LARGE1: variants seen among roughly 807,000 people sequenced by gnomAD.
The protein encoded by LARGE1 is LARGE xylosyl- and glucuronyltransferase 1.
LARGE1 carries 43 observed loss-of-function variants against 87.6 expected under a neutral mutation model. The ratio of observed to expected loss-of-function variants is 0.49; its 90% CI spans 0.38 to 0.63. The LOEUF is 0.63. Ranked by LOEUF, LARGE1 falls within the 30% of genes least tolerant of loss-of-function variation. The pLI, the probability that LARGE1 is intolerant of heterozygous loss-of-function variation, is 0.00. For synonymous variants in LARGE1, 434 were observed against 394.6 expected, an observed-to-expected ratio of 1.10 and a Z score of -1.18; for missense variants, 802 against 1,000.2, an observed-to-expected ratio of 0.80 and a Z score of 2.67.
chr22:33,440,620 G>A (rs1176718216), intron 6 of LARGE1, among the ~76,000 whole-genome samples: 2 of 152,216 alleles, frequency 1.3e-5, no homozygotes, highest in East Asian at 1.9e-4. Context: ...AGTGCAGGAT[G>A]TCTGTAAGTA....
At chr22:33,481,333 T>G (rs944556943) in intron 6 of LARGE1, among the ~76,000 whole-genome samples, 1 of 151,678 alleles carries the variant, frequency 6.6e-6, no homozygotes, top group East Asian at 1.9e-4. Flanking sequence ...TGAAGTAGAG[T>G]TTTTTTTATG....
At chr22:33,188,561 A>G (rs972138171) in intron 11 of LARGE1, among the ~76,000 whole-genome samples, 10 of 152,236 alleles carry the variant, frequency 6.6e-5, no homozygotes, top group Non-Finnish European at 1.2e-4. Context: ...TAGCTAAAGC[A>G]ACAACTAAGG....
intron 1 of LARGE1, among the ~76,000 whole-genome samples, chr22:33,842,908 ACAAACAAAAC>A (rs781497315): frequency 8.9e-6 from 1 of 112,718 alleles, no homozygotes; most frequent in Non-Finnish European, 1.8e-5. Context: ...CCATTCTAGC[ACAAACAAAAC>A]AAAACAAAAC....
intron 1 of LARGE1, among the ~76,000 whole-genome samples, chr22:33,863,935 A>G (rs2064010543): frequency 6.6e-6 from 1 of 152,210 alleles, no homozygotes; most frequent in African/African-American, 2.4e-5. Flanking sequence ...AAGTCATTAT[A>G]TGGCATCCCA....
chr22:33,580,437 G>A (rs1306861037), intron 5 of LARGE1, among the ~76,000 whole-genome samples: 3 of 151,926 alleles, frequency 2.0e-5, no homozygotes, highest in Non-Finnish European at 2.9e-5. Context: ...ATGGGATGAT[G>A]TACAGGAAAA....
At chr22:33,129,016 C>T in the LARGE1 span, among the ~76,000 whole-genome samples, 1 of 152,176 alleles carries the variant, frequency 6.6e-6, no homozygotes, top group African/African-American at 2.4e-5. Flanking sequence ...ATAGGTGCAG[C>T]AAATCACCAT....
intron 2 of LARGE1, among the ~76,000 whole-genome samples, chr22:33,708,474 C>T (rs943566726): frequency 5.3e-5 from 8 of 152,218 alleles, no homozygotes; most frequent in East Asian, 1.9e-4. Flanking sequence ...AGGTGATTGT[C>T]CTCATACTAT....
At chr22:33,721,699 A>G (rs2083101844) in intron 2 of LARGE1, among the ~76,000 whole-genome samples, 1 of 152,154 alleles carries the variant, frequency 6.6e-6, no homozygotes, top group African/African-American at 2.4e-5. Context: ...AGCTTATTAA[A>G]TGGTGCAGGT....
At chr22:33,629,972 C>A (rs1406471661) in intron 3 of LARGE1, among the ~76,000 whole-genome samples, 1 of 152,092 alleles carries the variant, frequency 6.6e-6, no homozygotes, top group East Asian at 1.9e-4. Context: ...GCCGAGGCGG[C>A]GGATCACCTG....
At chr22:33,719,800 G>A (rs59963075) in intron 2 of LARGE1, among the ~76,000 whole-genome samples, 1 of 152,068 alleles carries the variant, frequency 6.6e-6, no homozygotes, top group Non-Finnish European at 1.5e-5. Flanking sequence ...GATTACAGAC[G>A]TGAGCCACCG....
chr22:33,555,150 T>C (rs150459095), intron 6 of LARGE1, among the ~76,000 whole-genome samples: 7 of 152,350 alleles, frequency 4.6e-5, no homozygotes, highest in Non-Finnish European at 7.3e-5. Context: ...GTATTAGGAA[T>C]TATAAATAAT....
At chr22:33,418,226 C>T (rs372120884) in intron 7 of LARGE1, among the ~76,000 whole-genome samples, 2 of 152,168 alleles carry the variant, frequency 1.3e-5, no homozygotes, top group East Asian at 3.9e-4. Context: ...GGATTACAGT[C>T]GTGAGCCACT....
At chr22:33,574,151 G>T (rs1193848006) in intron 5 of LARGE1, among the ~76,000 whole-genome samples, 1 of 152,164 alleles carries the variant, frequency 6.6e-6, no homozygotes, top group Non-Finnish European at 1.5e-5. Flanking sequence ...TACCACATCT[G>T]TAATTATAGA....
At chr22:33,422,991 G>A (rs1287744819) in intron 7 of LARGE1, among the ~76,000 whole-genome samples, 1 of 143,356 alleles carries the variant, frequency 7.0e-6, no homozygotes, top group Non-Finnish European at 1.5e-5. Flanking sequence ...ACTACTTACG[G>A]GATATTTTTT....
intron 5 of LARGE1, among the ~76,000 whole-genome samples, chr22:33,576,703 G>A (rs913319324): frequency 6.6e-6 from 1 of 152,214 alleles, no homozygotes; most frequent in African/African-American, 2.4e-5. Flanking sequence ...GCACCCTCAA[G>A]GATACCAAAA....
intron 2 of LARGE1, among the ~76,000 whole-genome samples, chr22:33,735,736 C>T (rs11913748): frequency 0.057 from 8,666 of 152,224 alleles, 421 homozygotes; most frequent in African/African-American, 0.12. Context: ...CAGCCATCAC[C>T]GCTATCTAAT....
chr22:33,774,236 G>T (rs2085160858), intron 1 of LARGE1, among the ~76,000 whole-genome samples: 1 of 139,418 alleles, frequency 7.2e-6, no homozygotes, highest in African/African-American at 2.6e-5. Flanking sequence ...ATTCTCTCAT[G>T]AAGAATCAAT....
At chr22:33,879,587 A>G (rs1479313302) in intron 1 of LARGE1, among the ~76,000 whole-genome samples, 2 of 152,190 alleles carry the variant, frequency 1.3e-5, no homozygotes, top group African/African-American at 2.4e-5. Flanking sequence ...CTGTGCTAGA[A>G]TATCTTTTCC....
intron 3 of LARGE1, among the ~76,000 whole-genome samples, chr22:33,649,217 C>T (rs77856614): frequency 0.014 from 2,068 of 152,308 alleles, 42 homozygotes; most frequent in African/African-American, 0.047. Flanking sequence ...TCCCTCACCA[C>T]TGAACTTCCA....
Sources: gnomAD v4.1 joint callset for allele counts (sites outside exome capture counted in the v4.1 genomes callset) on GRCh38, gnomAD v4.1.1 for gene constraint, MANE v1.5 for transcripts, NCBI Gene and HGNC (gene_info 2026-07-23, HGNC 2026-07-21) for gene names.